STXBP4: variants seen among roughly 807,000 people sequenced by gnomAD.
The protein encoded by STXBP4 is syntaxin binding protein 4.
A neutral mutation model predicts 76.1 loss-of-function variants in STXBP4; 55 were observed. The observed-to-expected ratio is 0.72, with a 90% CI of 0.58 to 0.91. The LOEUF (loss-of-function observed/expected upper bound fraction) is 0.91. Ranked by LOEUF, STXBP4 falls within the 40% of genes least tolerant of loss-of-function variation. The pLI, the probability that STXBP4 is intolerant of heterozygous loss-of-function variation, is 0.00. For synonymous variants in STXBP4, 201 were observed against 220.2 expected (o/e 0.91, Z 0.77); for missense variants, 618 against 636.9 (o/e 0.97, Z 0.32).
intron 12 of STXBP4, among the ~76,000 whole-genome samples, chr17:55,058,361 G>T (rs1024297352): frequency 6.6e-6 from 1 of 152,168 alleles, no homozygotes; most frequent in Non-Finnish European, 1.5e-5. Flanking sequence ...CTTTTGAGAA[G>T]TGTCTGTTCA....
chr17:55,185,251 C>T, the STXBP4 span, among the ~76,000 whole-genome samples: 2,494 of 48,472 alleles, frequency 0.051, 74 homozygotes, highest in African/African-American at 0.14. Flanking sequence ...TTCTTCTTCT[C>T]CTTCTCCTTC....
intron 16 of STXBP4, among the ~76,000 whole-genome samples, chr17:55,108,973 T>C (rs2079674100): frequency 6.6e-6 from 1 of 152,216 alleles, no homozygotes; most frequent in Non-Finnish European, 1.5e-5. Flanking sequence ...TTACATAACC[T>C]ATCAGTAGAA....
rs1313146181 is a variant in STXBP4 at position 54,996,751 on chromosome 17, T to G, written c.181-2594T>G. ...CTTGTAAAAGTACAGGAAAGGAATC[T>G]TAAGGCTTACAGAAGGACTATTCCT... On this transcript the variant is annotated intron_variant, in intron 4 of 17. Coordinates refer to ENST00000376352, the MANE Select transcript of STXBP4 (RefSeq NM_178509.6). Among the ~76,000 whole-genome samples the G allele has an allele frequency of 3.9e-5, 6 of 152,292 alleles. No individual in the cohort carries two copies. In the East Asian group the frequency reaches 1.2e-3, roughly 29 times the overall value.
In STXBP4 at chr17:55,007,506, A is replaced by T. The variant is rs140691664; in HGVS notation, c.575A>T (p.Asp192Val). The T allele has an allele frequency of 4.8e-5, 78 of 1,609,754 alleles. No homozygotes were observed. In the African/African-American group the frequency reaches 6.7e-4, roughly 14 times the overall value. Residue 192 changes from aspartate to valine, a missense_variant and splice_region_variant, in exon 8 of 18, where the codon GAT (aspartate) becomes GTT (valine). Coordinates refer to ENST00000376352, the MANE Select transcript of STXBP4 (RefSeq NM_178509.6). The stretch of plus-strand genomic sequence containing the variant: ...TAATGTGCACCCTGTTGTCTCTTAG[A>T]TGTTGCTTCTGCCTGGACTGAAAAT... ...ENSTVGLSNTDVASAWTENYG... is the reference protein window; with the variant it reads ...ENSTVGLSNTVVASAWTENYG...
At chr17:55,113,639 A>T (rs1050773747) in intron 16 of STXBP4, among the ~76,000 whole-genome samples, 34 of 152,284 alleles carry the variant, frequency 2.2e-4, no homozygotes, top group Admixed American at 5.9e-4. Flanking sequence ...TGATATAAAA[A>T]AAAAGTGTTA....
At chr17:55,120,402 C>T (rs1376432556) in intron 16 of STXBP4, among the ~76,000 whole-genome samples, 4 of 152,160 alleles carry the variant, frequency 2.6e-5, no homozygotes, top group African/African-American at 9.7e-5. Flanking sequence ...ACATTCCATT[C>T]TATTATGTGT....
At chr17:55,137,156 G>A (rs244314) in intron 16 of STXBP4, among the ~76,000 whole-genome samples, 96,828 of 151,778 alleles carry the variant, frequency 0.64, 31,739 homozygotes, top group African/African-American at 0.79. Context: ...ATTACATATG[G>A]ATTCAGATTT....
chr17:55,190,367 A>C, the STXBP4 span, among the ~76,000 whole-genome samples: 223 of 152,276 alleles, frequency 1.5e-3, 7 homozygotes, highest in South Asian at 0.045. Flanking sequence ...GTATACTGTC[A>C]AGGATGGCCT....
intron 16 of STXBP4, among the ~76,000 whole-genome samples, chr17:55,104,185 G>A (rs2787470): frequency 0.37 from 56,815 of 151,948 alleles, 11,286 homozygotes; most frequent in East Asian, 0.54. Context: ...GGTGAGAGAC[G>A]GCATCCTTGT....
intron 12 of STXBP4, among the ~76,000 whole-genome samples, chr17:55,061,855 A>C (rs777314051): frequency 1.3e-4 from 20 of 152,278 alleles, no homozygotes; most frequent in Non-Finnish European, 2.4e-4. Flanking sequence ...AACTGGTTAA[A>C]TCTAAATAAA....
chr17:54,991,530 AC>A (rs1464999867), intron 4 of STXBP4: 4 of 152,106 alleles, frequency 2.6e-5, no homozygotes, highest in Admixed American at 2.0e-4. Context: ...GGAAGCTCAG[AC>A]CCAAATTTGA....
chr17:54,999,577 T>C, intron 5 of STXBP4, 55 bp from the exon 6 acceptor site: 1 of 1,515,234 alleles, frequency 6.6e-7, no homozygotes, highest in Non-Finnish European at 9.0e-7. Context: ...TATCTTGGAT[T>C]TCAGTTGTAC....
At chr17:55,189,169 CA>C in the STXBP4 span, among the ~76,000 whole-genome samples, 128,440 of 151,692 alleles carry the variant, frequency 0.85, 54,854 homozygotes, top group African/African-American at 0.94. Flanking sequence ...ATATATTTGG[CA>C]AAAAAAATGC....
At chr17:55,035,409 AATTTT>A (rs1274029540) in intron 10 of STXBP4, among the ~76,000 whole-genome samples, 18 of 151,964 alleles carry the variant, frequency 1.2e-4, no homozygotes, top group Non-Finnish European at 2.1e-4. Context: ...TTATGCTCAA[AATTTT>A]ATCTTTTCTT....
intron 8 of STXBP4, among the ~76,000 whole-genome samples, chr17:55,024,927 G>A (rs185402519): frequency 6.6e-6 from 1 of 152,120 alleles, no homozygotes; most frequent in Admixed American, 6.5e-5. Flanking sequence ...CACGAGGTCA[G>A]GAGATCGAAA....
chr17:55,021,478 C>T lies in STXBP4; in HGVS notation c.667-9690C>T, dbSNP rs534454233. Among the ~76,000 whole-genome samples the T allele has an allele frequency of 9.1e-4, 139 of 152,260 alleles. 4 individuals are homozygous for T. The South Asian group carries it at 0.028, about 31-fold the overall frequency. On this transcript the variant is annotated intron_variant, in intron 8 of 17. Transcript: ENST00000376352. ...GTTCCAGGCTGCAGTGAGCCATGAT[C>T]ATGCCACTGTACTCCAGCAAGAGTG...
At chr17:55,046,964 G>A in intron 11 of STXBP4, 125 bp from the exon 12 acceptor site, 1 of 552,008 alleles carries the variant, frequency 1.8e-6, no homozygotes, top group East Asian at 3.0e-5. Context: ...AAATGACTAG[G>A]AGCAATATTT....
chr17:55,075,099 A>G (rs1598288829), intron 13 of STXBP4, among the ~76,000 whole-genome samples: 1 of 152,094 alleles, frequency 6.6e-6, no homozygotes, highest in East Asian at 1.9e-4. Flanking sequence ...ATAAAACATT[A>G]CTAGTACCTT....
At chr17:55,038,220 T>C (rs1345111137) in intron 10 of STXBP4, among the ~76,000 whole-genome samples, 1 of 152,102 alleles carries the variant, frequency 6.6e-6, no homozygotes, top group East Asian at 1.9e-4. Flanking sequence ...GTACAAAAAG[T>C]GTACAATTTG....
Sources: allele counts gnomAD v4.1 joint callset (sites outside exome capture counted in the v4.1 genomes callset), GRCh38; gene constraint gnomAD v4.1.1; transcripts MANE v1.5; gene names NCBI Gene and HGNC (gene_info 2026-07-23, HGNC 2026-07-21).